The following PBX1 variants were observed in gnomAD, a reference collection of about 807,000 sequenced individuals.
PBX1 encodes pre-B-cell leukemia transcription factor 1.
A neutral mutation model predicts 53.4 loss-of-function variants in PBX1; 6 were observed. The observed-to-expected ratio is 0.11, with a 90% CI of 0.06 to 0.22. PBX1 has a LOEUF of 0.22. Ranked by LOEUF, PBX1 falls within the 10% of genes least tolerant of loss-of-function variation. The pLI is 1.00. For synonymous variants in PBX1, 204 were observed against 212.3 expected, an observed-to-expected ratio of 0.96 and a Z score of 0.34; for missense variants, 251 against 551.4, an observed-to-expected ratio of 0.46 and a Z score of 5.46.
intron 2 of PBX1, among the ~76,000 whole-genome samples, chr1:164,591,219 C>G (rs757823485): frequency 1.3e-5 from 2 of 152,028 alleles, no homozygotes; most frequent in East Asian, 1.9e-4. Context: ...ACCATGTTGG[C>G]CAGGATGGTC....
chr1:164,790,387 G>A (rs193262437), intron 2 of PBX1, among the ~76,000 whole-genome samples: 18 of 152,210 alleles, frequency 1.2e-4, no homozygotes, highest in East Asian at 3.9e-4. Context: ...ACCTTTTGCC[G>A]TCACCACTAT....
At chr1:164,735,030 C>T (rs574554738) in intron 2 of PBX1, among the ~76,000 whole-genome samples, 2 of 152,244 alleles carry the variant, frequency 1.3e-5, no homozygotes, top group East Asian at 3.9e-4. Flanking sequence ...GCTTAATTTG[C>T]TTGATTATAG....
chr1:164,592,559 G>A lies in PBX1; in HGVS notation c.265+29248G>A, dbSNP rs566755890. The stretch of plus-strand genomic sequence containing the variant: ...CAGCAGTGTCTGAGCAGAGTCTGAG[G>A]GTGCTGGCCCTGGCCACAGAGGCTT... On this transcript the variant is annotated intron_variant, in intron 2 of 8. Coordinates refer to ENST00000420696, the MANE Select transcript of PBX1 (RefSeq NM_002585.4). Among the ~76,000 whole-genome samples the A allele has an allele frequency of 2.6e-5, 4 of 152,334 alleles. No homozygotes were observed. The South Asian group carries it at 8.3e-4, about 32-fold the overall frequency.
chr1:164,775,579 C>A (rs753548719), intron 2 of PBX1, among the ~76,000 whole-genome samples: 10 of 151,912 alleles, frequency 6.6e-5, no homozygotes, highest in Non-Finnish European at 1.0e-4. Context: ...GTGCAGTCTA[C>A]GAAGCCCTTG....
chr1:164,733,632 A>T (rs754495824), intron 2 of PBX1, among the ~76,000 whole-genome samples: 15 of 152,194 alleles, frequency 9.9e-5, no homozygotes, highest in African/African-American at 1.4e-4. Flanking sequence ...AAACCTGTTT[A>T]CCTGTTTGCA....
intron 2 of PBX1, among the ~76,000 whole-genome samples, chr1:164,603,928 C>CTTTTTTTTTT (rs1557885817): frequency 1.8e-4 from 9 of 48,766 alleles, no homozygotes; most frequent in African/African-American, 2.7e-4. Context: ...TATGTCATTT[C>CTTTTTTTTTT]ATTTTTTTTT....
At chr1:164,817,352 G>T (rs1669921496) in intron 6 of PBX1, 1 of 152,200 alleles carries the variant, frequency 6.6e-6, no homozygotes, top group Non-Finnish European at 1.5e-5. Context: ...TTGCAGTGCT[G>T]GGTAGAGAAC....
At chr1:164,841,939 T>A (rs956194690) in intron 8 of PBX1, among the ~76,000 whole-genome samples, 3 of 152,210 alleles carry the variant, frequency 2.0e-5, no homozygotes. Context: ...CACTCTGTGC[T>A]GACATCAGCC....
chr1:164,719,132 C>G (rs779779614), intron 2 of PBX1, among the ~76,000 whole-genome samples: 13 of 148,656 alleles, frequency 8.7e-5, no homozygotes, highest in Admixed American at 6.7e-4. Flanking sequence ...GCAAAAGAGA[C>G]CTACACAGAA....
chr1:164,791,297 C>T (rs1372994742), intron 2 of PBX1, among the ~76,000 whole-genome samples: 1 of 152,062 alleles, frequency 6.6e-6, no homozygotes, highest in Non-Finnish European at 1.5e-5. Flanking sequence ...TCCAAATCAC[C>T]ACCAAGGGTC....
chr1:164,855,514 A>G (rs1671959614), downstream of PBX1, among the ~76,000 whole-genome samples: 1 of 152,158 alleles, frequency 6.6e-6, no homozygotes, highest in South Asian at 2.1e-4. Context: ...CATTTGAACC[A>G]TATCCCAGTG....
intron 2 of PBX1, among the ~76,000 whole-genome samples, chr1:164,709,686 G>C (rs540774598): frequency 1.3e-5 from 2 of 152,232 alleles, no homozygotes; most frequent in Non-Finnish European, 2.9e-5. Flanking sequence ...AAGTGGAAGA[G>C]CGAAGGCAGG....
At chr1:164,731,609 C>T (rs1469723266) in intron 2 of PBX1, among the ~76,000 whole-genome samples, 3 of 152,192 alleles carry the variant, frequency 2.0e-5, no homozygotes, top group Admixed American at 6.5e-5. Flanking sequence ...AACAGGTAGA[C>T]TTAATCAGAT....
chr1:164,647,594 C>T lies in PBX1; in HGVS notation c.265+84283C>T, dbSNP rs367730159. On this transcript the variant is annotated intron_variant, in intron 2 of 8. Transcript: ENST00000420696. Reference sequence around the variant, plus strand: ...GCCTAACCCTTCTGCCAAGTTGTTACGGCAATAAAAATCATCATAAAATTT... The same window carrying T: ...GCCTAACCCTTCTGCCAAGTTGTTATGGCAATAAAAATCATCATAAAATTT... Among the ~76,000 whole-genome samples, 14 of 152,144 alleles carry T rather than the reference C, an allele frequency of 9.2e-5. No homozygotes were observed. The South Asian group carries it at 2.1e-3, about 23-fold the overall frequency.
intron 2 of PBX1, among the ~76,000 whole-genome samples, chr1:164,768,015 C>T (rs960474014): frequency 6.6e-6 from 1 of 150,592 alleles, no homozygotes; most frequent in Non-Finnish European, 1.5e-5. Context: ...TTTTTTTTTC[C>T]ACATCAGTAG....
intron 2 of PBX1, among the ~76,000 whole-genome samples, chr1:164,590,948 G>T (rs1403298584): frequency 6.6e-6 from 1 of 151,948 alleles, no homozygotes; most frequent in Non-Finnish European, 1.5e-5. Flanking sequence ...GGGCTCAAGT[G>T]ATTCTCCTTC....
intron 2 of PBX1, among the ~76,000 whole-genome samples, chr1:164,701,627 C>G (rs1244911929): frequency 6.6e-6 from 1 of 152,190 alleles, no homozygotes; most frequent in Non-Finnish European, 1.5e-5. Flanking sequence ...CTCCCACTCC[C>G]CTGTGGTGAT....
intron 2 of PBX1, among the ~76,000 whole-genome samples, chr1:164,711,122 A>G (rs1255699010): frequency 6.6e-6 from 1 of 152,096 alleles, no homozygotes; most frequent in Admixed American, 6.6e-5. Flanking sequence ...GAGGGGGGAA[A>G]ATACATCACC....
chr1:164,808,827 C>T (rs1669473055), intron 5 of PBX1, among the ~76,000 whole-genome samples: 1 of 152,170 alleles, frequency 6.6e-6, no homozygotes. Context: ...TCCTTGAAAA[C>T]ATTCTTTCAG....
Sources: allele counts gnomAD v4.1 joint callset (sites outside exome capture counted in the v4.1 genomes callset), GRCh38; gene constraint gnomAD v4.1.1; transcripts MANE v1.5; gene names NCBI Gene and HGNC (gene_info 2026-07-23, HGNC 2026-07-21).